Variants in DOCK4 observed in about 807,000 individuals in gnomAD.
The protein encoded by DOCK4 is dedicator of cytokinesis protein 4.
Under a neutral mutation model 268.1 loss-of-function variants are expected in DOCK4, and 97 were observed. That is an observed-to-expected ratio of 0.36 (90% CI 0.31 to 0.43). The LOEUF (loss-of-function observed/expected upper bound fraction) is 0.43. Among genes scored for constraint, DOCK4 ranks in the 20% least tolerant of loss-of-function variants. The pLI, the probability that DOCK4 is intolerant of heterozygous loss-of-function variation, is 1.00. For synonymous variants in DOCK4, 954 were observed against 887.2 expected (o/e 1.08, Z -1.34); for missense variants, 2,145 against 2,455.7 (o/e 0.87, Z 2.67).
At chr7:111,757,134 AG>A (rs537854980) in intron 41 of DOCK4, among the ~76,000 whole-genome samples, 33 of 151,486 alleles carry the variant, frequency 2.2e-4, no homozygotes, top group African/African-American at 7.5e-4. Context: ...GAGAGGGAGG[AG>A]GGGTGAGTGG....
At chr7:111,798,088 G>A (rs920507087) in intron 30 of DOCK4, among the ~76,000 whole-genome samples, 3 of 152,184 alleles carry the variant, frequency 2.0e-5, no homozygotes, top group Non-Finnish European at 4.4e-5. Flanking sequence ...GGATCCCCGA[G>A]GTGCATCTGC....
At chr7:111,799,649 A>G (rs2133849675) in intron 30 of DOCK4, among the ~76,000 whole-genome samples, 1 of 152,292 alleles carries the variant, frequency 6.6e-6, no homozygotes, top group Admixed American at 6.5e-5. Context: ...TTAAGCTAAA[A>G]CTCATAAAAA....
At chr7:111,933,774 C>T (rs1410727361) in intron 12 of DOCK4, among the ~76,000 whole-genome samples, 2 of 152,136 alleles carry the variant, frequency 1.3e-5, no homozygotes, top group Admixed American at 6.5e-5. Flanking sequence ...AAAGGGCCAT[C>T]TGCATCAAAT....
At chr7:112,129,808 G>C (rs1813626485) in intron 1 of DOCK4, among the ~76,000 whole-genome samples, 2 of 152,192 alleles carry the variant, frequency 1.3e-5, no homozygotes, top group African/African-American at 4.8e-5. Flanking sequence ...CCTTTTATGG[G>C]GTTGTCATTT....
chr7:111,840,162 G>A (rs1051752528), intron 25 of DOCK4, among the ~76,000 whole-genome samples: 1 of 152,166 alleles, frequency 6.6e-6, no homozygotes, highest in Non-Finnish European at 1.5e-5. Flanking sequence ...TGTATAGCAA[G>A]GGTATTGGAT....
chr7:111,900,466 T>C lies in DOCK4; in HGVS notation c.1388A>G (p.Asn463Ser). The change falls in exon 15 of 53, where the codon AAC (asparagine) becomes AGC (serine). Residue 463 changes from asparagine to serine, a missense_variant. Coordinates refer to ENST00000428084, the MANE Select transcript of DOCK4 (RefSeq NM_001363540.2). ...EYHSFVLYHN[N>S]SPRWSELLKL... Reference sequence around the variant, plus strand: ...CAGCAGTTCAGACCACCTGGGACTGTTGTTATGGTAAAGCACAAAGGAGTG... The same window carrying C: ...CAGCAGTTCAGACCACCTGGGACTGCTGTTATGGTAAAGCACAAAGGAGTG... The C allele has an allele frequency of 6.2e-7, 1 of 1,613,244 alleles. No individual in the cohort carries two copies. The highest frequency in any genetic ancestry group is 1.1e-5 in the South Asian group (1 of 90,708).
intron 16 of DOCK4, among the ~76,000 whole-genome samples, chr7:111,892,612 CT>C (rs1808385237): frequency 6.6e-6 from 1 of 152,222 alleles, no homozygotes; most frequent in Non-Finnish European, 1.5e-5. Flanking sequence ...CTCAACACCA[CT>C]TATTAAATGG....
At position 112,206,166 on chromosome 7, in the gene DOCK4, C is replaced by T. The variant is rs768905628; in HGVS notation, c.-28G>A. Reference sequence around the variant, plus strand: ...CTAAAGGGGCTCCGGGGTCTTCAGGCTTTGTAATCCCCGCGCCCCTTCTCC... The same window carrying T: ...CTAAAGGGGCTCCGGGGTCTTCAGGTTTTGTAATCCCCGCGCCCCTTCTCC... On this transcript the variant is annotated 5_prime_UTR_variant, in exon 1 of 53. Coordinates refer to ENST00000428084, the MANE Select transcript of DOCK4 (RefSeq NM_001363540.2). 6.4e-7 allele frequency: 1 copy of T among 1,565,314 alleles called. No homozygotes were observed. The highest frequency in any genetic ancestry group is 1.2e-5 in the South Asian group (1 of 85,192).
chr7:111,775,320 C>T (rs969904983), intron 36 of DOCK4, among the ~76,000 whole-genome samples: 14 of 152,112 alleles, frequency 9.2e-5, no homozygotes, highest in African/African-American at 2.7e-4. Flanking sequence ...TTCAGGAGTT[C>T]CTTGGAAGAA....
intron 49 of DOCK4, among the ~76,000 whole-genome samples, chr7:111,737,485 GAATT>G: frequency 6.6e-6 from 1 of 152,034 alleles, no homozygotes; most frequent in East Asian, 1.9e-4. Flanking sequence ...ACAGAAATAA[GAATT>G]AAAGGAGAAA....
intron 12 of DOCK4, among the ~76,000 whole-genome samples, chr7:111,933,723 T>C (rs997089826): frequency 2.0e-5 from 3 of 152,200 alleles, no homozygotes; most frequent in East Asian, 3.9e-4. Flanking sequence ...GCTCCAAGTG[T>C]CTTGTTTGTT....
intron 25 of DOCK4, among the ~76,000 whole-genome samples, chr7:111,839,979 G>A (rs1803551617): frequency 2.0e-5 from 3 of 152,014 alleles, no homozygotes; most frequent in Admixed American, 2.0e-4. Context: ...GTATCTGTAT[G>A]AAAATCCTAG....
At chr7:111,922,398 A>G (rs1793216939) in intron 12 of DOCK4, among the ~76,000 whole-genome samples, 1 of 152,202 alleles carries the variant, frequency 6.6e-6, no homozygotes, top group Non-Finnish European at 1.5e-5. Flanking sequence ...TAATTGACTT[A>G]AATACTAAAT....
chr7:111,765,194 AT>A lies in DOCK4; in HGVS notation c.3943del (p.Ile1315LeufsTer25). On this transcript the variant is annotated frameshift_variant, in exon 39 of 53. Transcript: ENST00000428084. LOFTEE classifies it high-confidence loss of function. Reference sequence around the variant, plus strand: ...TGGTTCAAGACGTTGCTGGTCCATAATTTTGTCATACAAAGAGGCTTCCATC... The same window carrying A: ...TGGTTCAAGACGTTGCTGGTCCATAATTTGTCATACAAAGAGGCTTCCATC... Reference protein sequence around the residue: ...RMMEASLYDKIMDQQRLEPEF... With the variant: ...RMMEASLYDKXMDQQRLEPEF... 6.4e-7 allele frequency: 1 copy of A among 1,554,956 alleles called. No individual in the cohort carries two copies. The highest frequency in any genetic ancestry group is 8.7e-7 in the Non-Finnish European group (1 of 1,152,530).
At position 112,011,210 on chromosome 7, in the gene DOCK4, C is replaced by T. The variant is rs551970850; in HGVS notation, c.38-7079G>A. 1.9e-4 allele frequency among the ~76,000 whole-genome samples: 29 copies of T among 152,346 alleles called. No individual in the cohort carries two copies. In the South Asian group the frequency reaches 5.0e-3, roughly 26 times the overall value. ...CAAGATTGTCACTAGGCCTGCATCA[C>T]AGATCAACTTCGCCCTCTGGCAAGT... On this transcript the variant is annotated intron_variant, in intron 1 of 52. Coordinates refer to ENST00000428084, the MANE Select transcript of DOCK4 (RefSeq NM_001363540.2).
At chr7:112,054,581 AAC>A (rs1479642875) in intron 1 of DOCK4, among the ~76,000 whole-genome samples, 1 of 152,194 alleles carries the variant, frequency 6.6e-6, no homozygotes, top group South Asian at 2.1e-4. Flanking sequence ...AAAAAAACAA[AAC>A]TACAAAATAA....
At chr7:112,185,641 TA>T (rs1819439347) in intron 1 of DOCK4, among the ~76,000 whole-genome samples, 1 of 151,268 alleles carries the variant, frequency 6.6e-6, no homozygotes, top group Non-Finnish European at 1.5e-5. Flanking sequence ...TCACTTGAAA[TA>T]AAAGACACCT....
intron 12 of DOCK4, among the ~76,000 whole-genome samples, chr7:111,927,801 C>T (rs1290607435): frequency 2.6e-5 from 4 of 152,098 alleles, no homozygotes; most frequent in African/African-American, 9.7e-5. Context: ...CCTTGGCATA[C>T]TGACTATTTG....
At chr7:111,834,536 CAAGATAAACCCAA>C in intron 26 of DOCK4, 39 bp downstream of exon 26, 1 of 1,354,578 alleles carries the variant, frequency 7.4e-7, no homozygotes, top group Non-Finnish European at 1.0e-6. Flanking sequence ...TGAATAAAAA[CAAGATAAACCCAA>C]AAGATATGTT....
Sources: gnomAD v4.1 joint callset for allele counts (sites outside exome capture counted in the v4.1 genomes callset) on GRCh38, gnomAD v4.1.1 for gene constraint, MANE v1.5 for transcripts, NCBI Gene and HGNC (gene_info 2026-07-23, HGNC 2026-07-21) for gene names.